The following PIEZO2 variants were observed in gnomAD, a reference collection of about 807,000 sequenced individuals.
The protein encoded by PIEZO2 is piezo type mechanosensitive ion channel component 2, also known as piezo-type mechanosensitive ion channel component 2.
Under a neutral mutation model 337.3 loss-of-function variants are expected in PIEZO2, and 172 were observed. The ratio of observed to expected loss-of-function variants is 0.51; its 90% CI spans 0.45 to 0.58. The LOEUF (loss-of-function observed/expected upper bound fraction) is 0.58. Among genes scored for constraint, PIEZO2 ranks in the 20% least tolerant of loss-of-function variants. The pLI is 0.00. For missense variants in PIEZO2, 3,028 were observed against 3,391.3 expected, an observed-to-expected ratio of 0.89 and a Z score of 2.66; for synonymous variants, 1,251 against 1,228.5, an observed-to-expected ratio of 1.02 and a Z score of -0.38.
At chr18:10,787,231 A>C in intron 15 of PIEZO2, 47 bp from the exon 16 acceptor site, 1 of 1,466,186 alleles carries the variant, frequency 6.8e-7, no homozygotes, top group Non-Finnish European at 9.0e-7. Flanking sequence ...AATCACTTTT[A>C]GGAAAACTCA....
rs117996544 is a variant in PIEZO2, at chr18:10,993,361, C to T, written c.161-13701G>A. Among the ~76,000 whole-genome samples, 325 of 152,228 alleles carry T rather than the reference C, an allele frequency of 2.1e-3. 8 individuals carry two copies. In the East Asian group the frequency reaches 0.051, roughly 24 times the overall value. The stretch of plus-strand genomic sequence containing the variant: ...GCCTGTGGGCCTATCATAAACAGCT[C>T]TTATTATTTTGAGATGCGTTCTATT... On this transcript the variant is annotated intron_variant, in intron 2 of 55. Transcript: ENST00000674853. This position sits in a 1 kb window ranked among gnomAD's most constrained non-coding sequence, Gnocchi z 5.0.
chr18:10,714,093 C>T (rs1468109278), intron 39 of PIEZO2, among the ~76,000 whole-genome samples: 1 of 152,056 alleles, frequency 6.6e-6, no homozygotes, highest in Admixed American at 6.6e-5. Flanking sequence ...AGCTGTGTGA[C>T]TTTGGGTATG....
At chr18:11,088,988 A>C (rs2146027590) in intron 1 of PIEZO2, among the ~76,000 whole-genome samples, 1 of 152,366 alleles carries the variant, frequency 6.6e-6, no homozygotes, top group African/African-American at 2.4e-5. Flanking sequence ...AAATTACCAT[A>C]GAAACCACTT....
intron 52 of PIEZO2, 132 bp from the exon 53 acceptor site, chr18:10,678,007 C>T: frequency 1.2e-6 from 1 of 848,400 alleles, no homozygotes; most frequent in Middle Eastern, 3.8e-4. Context: ...TCAATCCTGA[C>T]CCTTTCAGTC....
In PIEZO2 at chr18:10,952,912, C is replaced by CTCCT. The variant is rs1035290003; in HGVS notation, c.286+26619_286+26622dup. The stretch of plus-strand genomic sequence containing the variant: ...CATCCCTCCCTCCATCCCTCCCTCC[C>CTCCT]TCCTTCCTTCCTTCTTTTTTTCATT... On this transcript the variant is annotated intron_variant, in intron 3 of 55. Transcript: ENST00000674853. The surrounding 1 kb of genome is among the most constrained non-coding windows in gnomAD (Gnocchi z 4.1). Among the ~76,000 whole-genome samples, 2 of 144,698 alleles carry CTCCT rather than the reference C, an allele frequency of 1.4e-5. No homozygotes were observed. The highest frequency in any genetic ancestry group is 2.6e-5 in the African/African-American group (1 of 38,664). 94.9% of individuals were successfully genotyped at this position (144,698 alleles called of 152,430 possible).
chr18:10,999,495 T>C (rs904072494), intron 2 of PIEZO2, among the ~76,000 whole-genome samples: 6 of 152,228 alleles, frequency 3.9e-5, no homozygotes, highest in African/African-American at 1.4e-4. Context: ...AAAGAGATAG[T>C]ATGACAACCA....
intron 49 of PIEZO2, among the ~76,000 whole-genome samples, chr18:10,686,620 A>C (rs1241591620): frequency 3.3e-5 from 5 of 152,214 alleles, no homozygotes; most frequent in African/African-American, 9.6e-5. Context: ...GCTTGCCATC[A>C]CAGAGCTCAT....
At chr18:11,058,067 G>T (rs886394297) in intron 2 of PIEZO2, among the ~76,000 whole-genome samples, 1 of 152,172 alleles carries the variant, frequency 6.6e-6, no homozygotes, top group Non-Finnish European at 1.5e-5. Context: ...GTTAAAGACT[G>T]CCCCGGTCTA....
chr18:10,694,704 G>A (rs1344649824), intron 47 of PIEZO2, among the ~76,000 whole-genome samples: 6 of 152,254 alleles, frequency 3.9e-5, no homozygotes, highest in Non-Finnish European at 5.9e-5. Flanking sequence ...GAGCGGTGAT[G>A]TGCACCTGTA....
chr18:10,955,603 G>A (rs1180408183), intron 3 of PIEZO2, among the ~76,000 whole-genome samples: 1 of 152,200 alleles, frequency 6.6e-6, no homozygotes, highest in Non-Finnish European at 1.5e-5. Flanking sequence ...TGCTGAAACA[G>A]GAGCCCTGTG....
rs1163068377 is a variant in PIEZO2 at position 10,767,379 on chromosome 18, C to G, written c.2946+2769G>C. 6.6e-6 allele frequency among the ~76,000 whole-genome samples: 1 copy of G among 152,000 alleles called. No individual in the cohort carries two copies. ...ACCCAAAAGTTGTGAAAACAAGCACCCTTACTGAGGCCTTGGGTAAGGATG... is the reference window on the plus strand; with the variant it reads ...ACCCAAAAGTTGTGAAAACAAGCACGCTTACTGAGGCCTTGGGTAAGGATG... On this transcript the variant is annotated intron_variant, in intron 21 of 55. Transcript: ENST00000674853. The surrounding 1 kb of genome is among the most constrained non-coding windows in gnomAD (Gnocchi z 4.2).
chr18:10,848,589 C>T (rs920336010), intron 7 of PIEZO2, among the ~76,000 whole-genome samples: 5 of 152,268 alleles, frequency 3.3e-5, no homozygotes, highest in Admixed American at 2.6e-4. Flanking sequence ...CCTTCCCACC[C>T]TTCATTTTGA....
chr18:10,725,246 C>A, intron 36 of PIEZO2: 1 of 1,566,606 alleles, frequency 6.4e-7, no homozygotes, highest in Non-Finnish European at 8.8e-7. Context: ...TTTGAGGCTG[C>A]CACCGGCAGG....
At chr18:10,831,628 A>C (rs2040845237) in intron 7 of PIEZO2, among the ~76,000 whole-genome samples, 1 of 152,192 alleles carries the variant, frequency 6.6e-6, no homozygotes, top group Non-Finnish European at 1.5e-5. Flanking sequence ...GTACAGTTTA[A>C]AATAACTACA....
chr18:10,683,889 G>C (rs2034389795), intron 49 of PIEZO2, among the ~76,000 whole-genome samples: 1 of 152,092 alleles, frequency 6.6e-6, no homozygotes, highest in Non-Finnish European at 1.5e-5. Context: ...TCTCTTTGAG[G>C]TTCATCTCAA....
Position 10,854,190 on chromosome 18 carries a change from G to A in PIEZO2, c.917+1163C>T, listed in dbSNP as rs1038383539. ...CCTTTATATTTTCTGTAAATGGGAGGTTAGGTCAAAAGTCTTAACCATATG... is the reference window on the plus strand; with the variant it reads ...CCTTTATATTTTCTGTAAATGGGAGATTAGGTCAAAAGTCTTAACCATATG... On this transcript the variant is annotated intron_variant, in intron 7 of 55. Coordinates refer to ENST00000674853, the MANE Select transcript of PIEZO2 (RefSeq NM_001378183.1). This position sits in a 1 kb window ranked among gnomAD's most constrained non-coding sequence, Gnocchi z 4.6. Among the ~76,000 whole-genome samples the A allele has an allele frequency of 6.6e-6, 1 of 152,112 alleles. No individual in the cohort carries two copies. Among genetic ancestry groups the A allele is most frequent in the Admixed American group, 6.6e-5 (1 of 15,266 alleles).
chr18:10,883,149 T>C, intron 4 of PIEZO2, among the ~76,000 whole-genome samples: 1 of 152,186 alleles, frequency 6.6e-6, no homozygotes, highest in East Asian at 1.9e-4. Flanking sequence ...TGTACCACAT[T>C]TTCTTTATCC....
rs1459220252 is a variant in PIEZO2 at position 11,112,930 on chromosome 18, C to G, written c.64+35595G>C. 1.3e-5 allele frequency among the ~76,000 whole-genome samples: 2 copies of G among 152,162 alleles called. No homozygotes were observed. Among genetic ancestry groups the G allele is most frequent in the Non-Finnish European group, 2.9e-5 (2 of 68,024 alleles). ...CTAAGACTGCCTCCCAGGGTTTTCTCAGGTTCAAGCTGCTCTCTAGATTCA... is the reference window on the plus strand; with the variant it reads ...CTAAGACTGCCTCCCAGGGTTTTCTGAGGTTCAAGCTGCTCTCTAGATTCA... On this transcript the variant is annotated intron_variant, in intron 1 of 55. Transcript: ENST00000674853. This position sits in a 1 kb window ranked among gnomAD's most constrained non-coding sequence, Gnocchi z 4.3.
rs977055948 is a variant in PIEZO2 at position 10,863,791 on chromosome 18, T to C, written c.493-6580A>G. Among the ~76,000 whole-genome samples the C allele has an allele frequency of 4.0e-5, 6 of 151,780 alleles. No individual in the cohort carries two copies. The highest frequency in any genetic ancestry group is 1.5e-4 in the African/African-American group (6 of 41,062). On this transcript the variant is annotated intron_variant, in intron 5 of 55. Transcript: ENST00000674853. The surrounding 1 kb of genome is among the most constrained non-coding windows in gnomAD (Gnocchi z 4.3). ...AATAATGGAGACTAGCCAAATACAA[T>C]TGACTGTTTAAAGGCTTTTTTCTTT...
Sources: allele counts gnomAD v4.1 joint callset (sites outside exome capture counted in the v4.1 genomes callset), GRCh38; gene constraint gnomAD v4.1.1; non-coding constraint Gnocchi (gnomAD v3.1); transcripts MANE v1.5; gene names NCBI Gene and HGNC (gene_info 2026-07-23, HGNC 2026-07-21).